Variants in CCDC178 observed in about 807,000 individuals in gnomAD.
CCDC178 encodes coiled-coil domain-containing protein 178.
CCDC178 carries 126 observed loss-of-function variants against 117.4 expected under a neutral mutation model. The observed-to-expected ratio is 1.07, with a 90% CI of 0.93 to 1.24. CCDC178 has a LOEUF of 1.24. Ranked by LOEUF, CCDC178 falls within the 50% of genes most tolerant of loss-of-function variation. The probability of loss-of-function intolerance (pLI) is 0.00; values close to 1 mark genes in which losing one functional copy is unlikely to be tolerated. For synonymous variants in CCDC178, 283 were observed against 313.4 expected (o/e 0.90, Z 1.02); for missense variants, 1,030 against 986.9 (o/e 1.04, Z -0.59).
At chr18:33,031,499 A>C (rs368278545) in intron 21 of CCDC178, among the ~76,000 whole-genome samples, 33 of 152,082 alleles carry the variant, frequency 2.2e-4, no homozygotes, top group African/African-American at 7.7e-4. Context: ...TAATTCAGTG[A>C]CATGTATATA....
intron 20 of CCDC178, among the ~76,000 whole-genome samples, chr18:33,130,435 A>G (rs2058056507): frequency 1.3e-5 from 2 of 152,032 alleles, no homozygotes; most frequent in Admixed American, 6.6e-5. Context: ...AACATTCACA[A>G]AAAATCCATG....
intron 14 of CCDC178, among the ~76,000 whole-genome samples, chr18:33,254,841 G>C (rs2059660648): frequency 6.6e-6 from 1 of 151,956 alleles, no homozygotes; most frequent in African/African-American, 2.4e-5. Flanking sequence ...CATTTTAATA[G>C]GCTAGAACAT....
At chr18:33,298,747 C>A (rs191362122) in intron 11 of CCDC178, among the ~76,000 whole-genome samples, 2 of 151,994 alleles carry the variant, frequency 1.3e-5, no homozygotes, top group Non-Finnish European at 2.9e-5. Flanking sequence ...GAAGACTCTA[C>A]CAAAAAATGC....
intron 2 of CCDC178, among the ~76,000 whole-genome samples, chr18:33,422,898 T>C (rs2064048828): frequency 6.6e-6 from 1 of 152,226 alleles, no homozygotes. Flanking sequence ...TATTAGAATA[T>C]TTACTTGTTT....
Position 33,267,213 on chromosome 18 carries a change from A to C in CCDC178, c.1261T>G (p.Phe421Val), listed in dbSNP as rs756393546. 6.3e-7 allele frequency: 1 copy of C among 1,595,800 alleles called. No homozygotes were observed. Among genetic ancestry groups the C allele is most frequent in the Non-Finnish European group, 8.5e-7 (1 of 1,174,702 alleles). The change falls in exon 13 of 23, where the codon TTT becomes GTT. Residue 421 changes from phenylalanine (F) to valine (V), a missense_variant. Coordinates refer to ENST00000383096, the MANE Select transcript of CCDC178 (RefSeq NM_001105528.4). ...ENQYLEAVND[F>V]YAAKKTWDIE... is the part of the protein sequence containing the mutation. ...AAAAATCAACTTACTGCAGCATAAA[A>C]ATCATTAACTGCTTCCAGATACTGA...
At chr18:33,074,742 T>A (rs936484184) in intron 21 of CCDC178, among the ~76,000 whole-genome samples, 2 of 152,188 alleles carry the variant, frequency 1.3e-5, no homozygotes, top group African/African-American at 4.8e-5. Context: ...TGAGACCAGA[T>A]ACACCCTATG....
At chr18:33,389,993 T>C (rs1416610774) in intron 4 of CCDC178, among the ~76,000 whole-genome samples, 1 of 148,792 alleles carries the variant, frequency 6.7e-6, no homozygotes, top group East Asian at 1.9e-4. Context: ...CATGTGTATG[T>C]GTATATATAT....
chr18:32,959,040 G>T (rs1465974663), intron 22 of CCDC178, among the ~76,000 whole-genome samples: 1 of 152,108 alleles, frequency 6.6e-6, no homozygotes, highest in Non-Finnish European at 1.5e-5. Context: ...TATCTGAGAG[G>T]TTTGTTACAA....
At chr18:33,215,763 C>G (rs2059158457) in intron 18 of CCDC178, 68 bp from the exon 19 acceptor site, 3 of 1,199,752 alleles carry the variant, frequency 2.5e-6, no homozygotes, top group Non-Finnish European at 3.5e-6. Context: ...TATTTAGGAA[C>G]ACAATTACAT....
intron 3 of CCDC178, among the ~76,000 whole-genome samples, chr18:33,402,766 T>C (rs998799667): frequency 6.6e-6 from 1 of 152,228 alleles, no homozygotes; most frequent in African/African-American, 2.4e-5. Flanking sequence ...GGTCTCATTA[T>C]GTCGCCCAGG....
chr18:33,060,994 T>C (rs890351643), intron 21 of CCDC178, among the ~76,000 whole-genome samples: 13 of 152,128 alleles, frequency 8.5e-5, no homozygotes, highest in Non-Finnish European at 1.8e-4. Context: ...ACCTCATAAT[T>C]TGTTATAATC....
At position 32,966,701 on chromosome 18, in the gene CCDC178, G is replaced by A. The variant is rs372568081; in HGVS notation, c.2523+7846C>T. Reference sequence around the variant, plus strand: ...TGAGCTTCACACACAAATTTTGTTCGGATTTTGAGTATGATTGTATTGAAT... The same window carrying A: ...TGAGCTTCACACACAAATTTTGTTCAGATTTTGAGTATGATTGTATTGAAT... On this transcript the variant is annotated intron_variant, in intron 22 of 22. Transcript: ENST00000383096. Among the ~76,000 whole-genome samples, 150 of 151,678 alleles carry A rather than the reference G, an allele frequency of 9.9e-4. 4 individuals carry two copies. In the South Asian group the frequency reaches 0.027, roughly 27 times the overall value.
At chr18:33,016,251 A>G (rs540851281) in intron 21 of CCDC178, among the ~76,000 whole-genome samples, 3 of 152,240 alleles carry the variant, frequency 2.0e-5, no homozygotes, top group South Asian at 2.1e-4. Context: ...CTGTCAACTA[A>G]GAATTCTATA....
intron 14 of CCDC178, among the ~76,000 whole-genome samples, chr18:33,248,699 C>T (rs1164395092): frequency 1.3e-5 from 2 of 151,968 alleles, no homozygotes; most frequent in Non-Finnish European, 2.9e-5. Context: ...CAAGTCTTTG[C>T]TATTTTGAAT....
intron 20 of CCDC178, among the ~76,000 whole-genome samples, chr18:33,174,987 T>C (rs559438424): frequency 1.2e-4 from 19 of 152,202 alleles, no homozygotes; most frequent in African/African-American, 4.6e-4. Flanking sequence ...CCCAAGTAGC[T>C]GGGAGTACCG....
At chr18:32,951,640 C>T (rs2054486422) in intron 22 of CCDC178, among the ~76,000 whole-genome samples, 1 of 152,144 alleles carries the variant, frequency 6.6e-6, no homozygotes, top group Non-Finnish European at 1.5e-5. Context: ...TATCATTCTG[C>T]CCCAGCTCCT....
intron 21 of CCDC178, among the ~76,000 whole-genome samples, chr18:33,020,326 T>C (rs1004383150): frequency 6.6e-6 from 1 of 152,098 alleles, no homozygotes; most frequent in Non-Finnish European, 1.5e-5. Context: ...AAACAAATTA[T>C]AGTGATCCAA....
chr18:33,437,162 C>T (rs1425858587), intron 2 of CCDC178, among the ~76,000 whole-genome samples: 1 of 152,026 alleles, frequency 6.6e-6, no homozygotes, highest in East Asian at 1.9e-4. Context: ...AAGAATTTGT[C>T]GCAAGTGTAA....
At chr18:33,263,072 A>T (rs2059770549) in intron 14 of CCDC178, among the ~76,000 whole-genome samples, 1 of 152,168 alleles carries the variant, frequency 6.6e-6, no homozygotes, top group African/African-American at 2.4e-5. Flanking sequence ...CCTCCCTAGT[A>T]ATCAAATAAA....
Sources: gnomAD v4.1 joint callset for allele counts (sites outside exome capture counted in the v4.1 genomes callset) on GRCh38, gnomAD v4.1.1 for gene constraint, MANE v1.5 for transcripts, NCBI Gene and HGNC (gene_info 2026-07-23, HGNC 2026-07-21) for gene names.